Variants in HHIP observed in about 807,000 individuals in gnomAD.
HHIP encodes hedgehog interacting protein.
HHIP carries 12 observed loss-of-function variants against 74.0 expected under a neutral mutation model. The observed-to-expected ratio is 0.16, with a 90% confidence interval of 0.10 to 0.26. HHIP has a LOEUF of 0.26. HHIP is among the 10% of genes least tolerant of loss of function. HHIP has a pLI of 1.00. For missense variants in HHIP, 788 were observed against 845.0 expected (o/e 0.93, Z 0.84); for synonymous variants, 309 against 311.6 (o/e 0.99, Z 0.09).
intron 10 of HHIP, 55 bp downstream of exon 10, chr4:144,715,485 C>T (rs562776071): frequency 6.3e-4 from 971 of 1,545,666 alleles, no homozygotes; most frequent in Non-Finnish European, 7.9e-4. Context: ...TTTCAAGAGG[C>T]TTTGTTCTGC....
chr4:144,664,597 T>C (rs1448984549), intron 4 of HHIP, among the ~76,000 whole-genome samples: 3 of 152,158 alleles, frequency 2.0e-5, no homozygotes, highest in Non-Finnish European at 2.9e-5. Context: ...TTTTCAAAAG[T>C]AGTATTGGTA....
chr4:144,717,701 GTTAGAGT>G (rs1361845191), intron 10 of HHIP, among the ~76,000 whole-genome samples: 1 of 152,096 alleles, frequency 6.6e-6, no homozygotes, highest in African/African-American at 2.4e-5. Flanking sequence ...AGCATCAAGA[GTTAGAGT>G]TTAGAGAGTT....
intron 4 of HHIP, among the ~76,000 whole-genome samples, chr4:144,679,086 A>T (rs2126617855): frequency 6.6e-6 from 1 of 152,078 alleles, no homozygotes; most frequent in African/African-American, 2.4e-5. Context: ...CTGGCGTGAG[A>T]TGATATCTCA....
At chr4:144,700,734 G>A (rs1267133033) in intron 4 of HHIP, among the ~76,000 whole-genome samples, 3 of 152,178 alleles carry the variant, frequency 2.0e-5, no homozygotes, top group Admixed American at 1.3e-4. Flanking sequence ...CCTCTAGAAA[G>A]AAACTTAGCT....
intron 4 of HHIP, among the ~76,000 whole-genome samples, chr4:144,662,477 C>A (rs977437555): frequency 1.3e-4 from 20 of 152,084 alleles, no homozygotes; most frequent in Admixed American, 1.1e-3. Flanking sequence ...GCAAAAAATG[C>A]AAAGCACAAG....
intron 4 of HHIP, among the ~76,000 whole-genome samples, chr4:144,681,451 A>AGTCTC (rs1363401446): frequency 8.0e-6 from 1 of 124,768 alleles, no homozygotes; most frequent in African/African-American, 3.1e-5. Context: ...TTTGAGACAG[A>AGTCTC]GTCTCGCTCC....
intron 10 of HHIP, 82 bp from the exon 11 acceptor site, chr4:144,718,793 C>A: frequency 1.2e-6 from 1 of 810,270 alleles, no homozygotes; most frequent in Non-Finnish European, 2.2e-6. Context: ...GATAGATTGA[C>A]ATATAGAATA....
At chr4:144,658,349 T>C (rs1247658646) in intron 2 of HHIP, among the ~76,000 whole-genome samples, 1 of 144,260 alleles carries the variant, frequency 6.9e-6, no homozygotes, top group Non-Finnish European at 1.5e-5. Flanking sequence ...TCTTTTTATT[T>C]AGTATTTATT....
chr4:144,669,879 G>T (rs1054320002), intron 4 of HHIP, among the ~76,000 whole-genome samples: 4 of 151,746 alleles, frequency 2.6e-5, no homozygotes, highest in African/African-American at 9.7e-5. Context: ...GGGTGTAGTG[G>T]CTCACATCTG....
At position 144,715,293 on chromosome 4, in the gene HHIP, GT is replaced by G; in HGVS notation, c.1548-5del. 6.2e-7 allele frequency: 1 copy of G among 1,611,454 alleles called. No homozygotes were observed. Among genetic ancestry groups the G allele is most frequent in the East Asian group, 2.2e-5 (1 of 44,752 alleles). ...CATTGTAGCTTTATGGTATGTTTCT[GT>G]TGTAGGAATTTCCTAACTCTCCAGC... On this transcript the variant is annotated splice_polypyrimidine_tract_variant and splice_region_variant and intron_variant, in intron 9 of 12. Transcript: ENST00000296575.
At chr4:144,699,943 C>T (rs1729931407) in intron 4 of HHIP, among the ~76,000 whole-genome samples, 1 of 152,148 alleles carries the variant, frequency 6.6e-6, no homozygotes, top group Admixed American at 6.5e-5. Flanking sequence ...ACAGCTTATA[C>T]ACACAGCAAA....
Position 144,737,772 on chromosome 4 carries a change from G to T in HHIP, c.1918G>T (p.Glu640Ter). Residue 640 changes from glutamate to a stop codon, truncating the protein, a stop_gained, in exon 13 of 13, where the codon GAG (glutamate) becomes TAG (stop). Coordinates refer to ENST00000296575, the MANE Select transcript of HHIP (RefSeq NM_022475.3). LOFTEE classifies it high-confidence loss of function. The stretch of plus-strand genomic sequence containing the variant: ...CTCTTTTTCTCTCCCAGCAAAATGT[G>T]AGCCAGCATGTCGTCATGGAGGTGT... ...EGDFCRTAKC[E>*]PACRHGGVCV... is the part of the protein sequence containing the mutation. 1 of 1,602,984 alleles carries T rather than the reference G, an allele frequency of 6.2e-7. No individual in the cohort carries two copies. Among genetic ancestry groups the T allele is most frequent in the Non-Finnish European group, 8.5e-7 (1 of 1,173,648 alleles).
At position 144,646,616 on chromosome 4, in the gene HHIP, C is replaced by G. The variant is rs1252002115; in HGVS notation, c.-60C>G. 1 of 1,554,166 alleles carries G rather than the reference C, an allele frequency of 6.4e-7. No individual in the cohort carries two copies. Among genetic ancestry groups the G allele is most frequent in the Non-Finnish European group, 8.8e-7 (1 of 1,141,836 alleles). On this transcript the variant is annotated 5_prime_UTR_variant, in exon 1 of 13. Transcript: ENST00000296575. ...CTGGAGCTGCGCCCTAGTGCCCCTG[C>G]TGGGCAGTGGCGTTCCCCCCCATCC...
In HHIP at chr4:144,738,195, A is replaced by T. The variant is rs977251796; in HGVS notation, c.*238A>T. 3.0e-5 allele frequency: 33 copies of T among 1,102,156 alleles called. No homozygotes were observed. The African/African-American group carries it at 4.6e-4, about 15-fold the overall frequency. 68.3% of individuals were successfully genotyped at this position (1,102,156 alleles called of 1,614,324 possible). A position where few individuals can be genotyped will look rare whatever the true frequency, so the allele number is the denominator to read the frequency against. On this transcript the variant is annotated 3_prime_UTR_variant, in exon 13 of 13. Coordinates refer to ENST00000296575, the MANE Select transcript of HHIP (RefSeq NM_022475.3). ...GTTGTTGCATAACAGATGATTTTTT[A>T]AAATATATACTTCCTTATGCAAAGT...
At chr4:144,678,940 T>G (rs1413799370) in intron 4 of HHIP, among the ~76,000 whole-genome samples, 1 of 152,204 alleles carries the variant, frequency 6.6e-6, no homozygotes, top group Admixed American at 6.5e-5. Flanking sequence ...TTCTAGATCC[T>G]TGGGGAATCC....
At chr4:144,681,921 C>A (rs1729359954) in intron 4 of HHIP, among the ~76,000 whole-genome samples, 1 of 152,102 alleles carries the variant, frequency 6.6e-6, no homozygotes, top group Non-Finnish European at 1.5e-5. Flanking sequence ...TTGGAAGGAA[C>A]CTTTGGAATC....
Position 144,659,661 on chromosome 4 carries a change from T to C in HHIP, c.654T>C (p.Cys218=). 6.5e-7 allele frequency: 1 copy of C among 1,527,856 alleles called. No homozygotes were observed. Among genetic ancestry groups the C allele is most frequent in the South Asian group, 1.3e-5 (1 of 75,534 alleles). 94.6% of individuals were successfully genotyped at this position (1,527,856 alleles called of 1,614,324 possible). The change falls in exon 4 of 13, where the codon TGT becomes TGC. Residue 218 remains cysteine, a synonymous_variant. Transcript: ENST00000296575. ...GAAAGCACAAACACAACTGCTTCTGTATTCAGGAGGTTGTGAGTGGGCTGC... is the reference window on the plus strand; with the variant it reads ...GAAAGCACAAACACAACTGCTTCTGCATTCAGGAGGTTGTGAGTGGGCTGC... ...ISRKHKHNCF[C]IQEVVSGLRQ...
intron 2 of HHIP, among the ~76,000 whole-genome samples, 157 bp downstream of exon 2, chr4:144,652,954 T>C (rs1382672121): frequency 6.6e-6 from 1 of 152,188 alleles, no homozygotes; most frequent in Non-Finnish European, 1.5e-5. Flanking sequence ...TTATAACTTT[T>C]ACTGCCTCTA....
At chr4:144,689,847 C>T (rs929010719) in intron 4 of HHIP, among the ~76,000 whole-genome samples, 29 of 152,114 alleles carry the variant, frequency 1.9e-4, no homozygotes, top group African/African-American at 3.6e-4. Context: ...CTCGCCCTGT[C>T]GCCCAGGCTG....
Sources: gnomAD v4.1 joint callset for allele counts (sites outside exome capture counted in the v4.1 genomes callset) on GRCh38, gnomAD v4.1.1 for gene constraint, MANE v1.5 for transcripts, NCBI Gene and HGNC (gene_info 2026-07-23, HGNC 2026-07-21) for gene names.